The following PDE4B variants were observed in gnomAD, a reference collection of about 807,000 sequenced individuals.
PDE4B encodes 3',5'-cyclic-AMP phosphodiesterase 4B.
A neutral mutation model predicts 82.2 loss-of-function variants in PDE4B; 20 were observed. That is an observed-to-expected ratio of 0.24 (90% CI 0.17 to 0.35). The LOEUF (loss-of-function observed/expected upper bound fraction) is 0.35. Ranked by LOEUF, PDE4B falls within the 10% of genes least tolerant of loss-of-function variation. The pLI, the probability that PDE4B is intolerant of heterozygous loss-of-function variation, is 1.00. For synonymous variants in PDE4B, 320 were observed against 318.9 expected (o/e 1.00, Z -0.04); for missense variants, 655 against 907.2 (o/e 0.72, Z 3.57).
chr1:65,851,452 T>A (rs1646332281), intron 1 of PDE4B, among the ~76,000 whole-genome samples: 1 of 152,108 alleles, frequency 6.6e-6, no homozygotes, highest in Admixed American at 6.5e-5. Context: ...ACAATCTTAG[T>A]CTTATGATTA....
chr1:66,282,071 C>T (rs1012884779), intron 7 of PDE4B, among the ~76,000 whole-genome samples: 4 of 152,192 alleles, frequency 2.6e-5, no homozygotes, highest in African/African-American at 7.2e-5. Context: ...GTTGAAGGTA[C>T]GTACACCCTT....
chr1:65,828,468 A>T (rs1396317132), intron 1 of PDE4B, among the ~76,000 whole-genome samples: 1 of 150,748 alleles, frequency 6.6e-6, no homozygotes, highest in African/African-American at 2.4e-5. Context: ...CTGGTCTTGA[A>T]CTCCTGACCT....
rs1347662031 is a variant in PDE4B at position 66,210,949 on chromosome 1, C to T, written c.282-36511C>T. Reference sequence around the variant, plus strand: ...TGTGTCTAAGAAATTTCCAGAAGTCCTCAACCTGGGTGGGATAAGAGTAGT... The same window carrying T: ...TGTGTCTAAGAAATTTCCAGAAGTCTTCAACCTGGGTGGGATAAGAGTAGT... On this transcript the variant is annotated intron_variant, in intron 3 of 16. Transcript: ENST00000341517. 2.0e-5 allele frequency among the ~76,000 whole-genome samples: 3 copies of T among 152,128 alleles called. No individual in the cohort carries two copies. The East Asian group carries it at 5.8e-4, about 29-fold the overall frequency.
chr1:66,163,150 T>C (rs1646651609), intron 3 of PDE4B, among the ~76,000 whole-genome samples: 1 of 152,162 alleles, frequency 6.6e-6, no homozygotes, highest in African/African-American at 2.4e-5. Context: ...CTAATCTAAT[T>C]CTTCCCGAGA....
Position 66,082,267 on chromosome 1 carries a change from G to A in PDE4B, c.281+163432G>A, listed in dbSNP as rs72920242. Among the ~76,000 whole-genome samples, 1,326 of 152,144 alleles carry A rather than the reference G, an allele frequency of 8.7e-3. 20 individuals are homozygous for A. The highest frequency in any genetic ancestry group is 0.03 in the African/African-American group (1,242 of 41,516). On this transcript the variant is annotated intron_variant, in intron 3 of 16. Transcript: ENST00000341517. ...GTCCTCTACTGGCTGAGAACAAGGA[G>A]CCTCCTTTGTTCTCTCTGGGCTCCT...
intron 3 of PDE4B, among the ~76,000 whole-genome samples, chr1:66,168,410 C>T (rs759520943): frequency 3.9e-5 from 6 of 151,964 alleles, no homozygotes; most frequent in East Asian, 3.9e-4. Context: ...ACCTTGATAA[C>T]GAGGTGACAT....
At chr1:66,358,785 T>G (rs896506356) in intron 9 of PDE4B, among the ~76,000 whole-genome samples, 1 of 152,116 alleles carries the variant, frequency 6.6e-6, no homozygotes, top group Non-Finnish European at 1.5e-5. Context: ...GCAATTTACC[T>G]TAAACTTGAA....
chr1:65,950,794 C>A (rs1648954484), intron 3 of PDE4B, among the ~76,000 whole-genome samples: 1 of 151,864 alleles, frequency 6.6e-6, no homozygotes, highest in African/African-American at 2.4e-5. Flanking sequence ...TTGTTATCTC[C>A]AAAAGTCACA....
chr1:66,252,835 A>G (rs1653895562), intron 4 of PDE4B, among the ~76,000 whole-genome samples: 1 of 152,210 alleles, frequency 6.6e-6, no homozygotes, highest in South Asian at 2.1e-4. Context: ...GCTCCTCAGG[A>G]GGCTGAGATA....
At chr1:66,355,491 T>A (rs771492592) in intron 8 of PDE4B, 36 bp from the exon 9 acceptor site, 2 of 1,348,456 alleles carry the variant, frequency 1.5e-6, no homozygotes, top group Non-Finnish European at 2.1e-6. Flanking sequence ...TTGCTCTTTT[T>A]AAAGTGGTTA....
chr1:66,065,568 C>A (rs958260699), intron 3 of PDE4B, among the ~76,000 whole-genome samples: 15 of 151,656 alleles, frequency 9.9e-5, no homozygotes, highest in Admixed American at 9.9e-4. Flanking sequence ...AATGCGGGAA[C>A]TGTATTGTAC....
chr1:66,104,305 A>G (rs1303208915), intron 3 of PDE4B, among the ~76,000 whole-genome samples: 3 of 151,372 alleles, frequency 2.0e-5, no homozygotes, highest in Non-Finnish European at 4.4e-5. Flanking sequence ...TCCATGGTGT[A>G]TATGTGCCAC....
intron 3 of PDE4B, among the ~76,000 whole-genome samples, chr1:66,088,462 C>T (rs11208797): frequency 0.49 from 74,255 of 151,802 alleles, 18,912 homozygotes; most frequent in Admixed American, 0.57. Flanking sequence ...ATCATGAATT[C>T]ACAATGCTAT....
At chr1:65,839,597 A>T (rs112638176) in intron 1 of PDE4B, among the ~76,000 whole-genome samples, 3 of 152,192 alleles carry the variant, frequency 2.0e-5, no homozygotes, top group South Asian at 2.1e-4. Flanking sequence ...AAGGACAGGA[A>T]CTCATCCTTT....
At position 66,361,660 on chromosome 1, in the gene PDE4B, G is replaced by A. The variant is rs763416674; in HGVS notation, c.887G>A (p.Arg296Lys). Residue 296 changes from arginine to lysine, a missense_variant, in exon 10 of 17, where the codon AGG (arginine) becomes AAG (lysine). By Grantham distance (26) the Arg-to-Lys change is conservative. This residue lies in a region of PDE4B where 283 missense variants were observed against 516.4 expected (regional missense o/e 0.55). Coordinates refer to ENST00000341517, the MANE Select transcript of PDE4B (RefSeq NM_002600.4). ...ATCCCATCTCCTACCCAGAAAGACA[G>A]GGAGAAAAAGAAAAAGCAGCAGCTC... ...VEIPSPTQKD[R>K]EKKKKQQLMT... 6.2e-7 allele frequency: 1 copy of A among 1,613,534 alleles called. No individual in the cohort carries two copies. Among genetic ancestry groups the A allele is most frequent in the Admixed American group, 1.7e-5 (1 of 59,968 alleles).
intron 12 of PDE4B, among the ~76,000 whole-genome samples, chr1:66,364,039 C>T (rs961834973): frequency 6.6e-6 from 1 of 152,072 alleles, no homozygotes; most frequent in East Asian, 1.9e-4. Context: ...ATGTCTTATT[C>T]TTCATTGTAT....
rs547498803 is a variant in PDE4B at position 66,089,098 on chromosome 1, C to G, written c.282-158362C>G. ...TCTGGTTGGTAAAGAGGTAACTAGACATGGACTCAAGTCCTGGCTCTGTCA... is the reference window on the plus strand; with the variant it reads ...TCTGGTTGGTAAAGAGGTAACTAGAGATGGACTCAAGTCCTGGCTCTGTCA... On this transcript the variant is annotated intron_variant, in intron 3 of 16. Coordinates refer to ENST00000341517, the MANE Select transcript of PDE4B (RefSeq NM_002600.4). Among the ~76,000 whole-genome samples the G allele has an allele frequency of 6.5e-4, 99 of 152,054 alleles. 1 individual carries two copies. Among genetic ancestry groups the G allele is most frequent in the Non-Finnish European group, 1.2e-3 (82 of 67,998 alleles).
intron 3 of PDE4B, among the ~76,000 whole-genome samples, chr1:66,016,048 A>G (rs1314760310): frequency 6.6e-6 from 1 of 152,204 alleles, no homozygotes; most frequent in East Asian, 1.9e-4. Flanking sequence ...ATAGTTGGAT[A>G]GAACTCTTCT....
At position 65,887,414 on chromosome 1, in the gene PDE4B, G is replaced by GTTTTTTTTTTTTTTTTTTTTT. The variant is rs34263724; in HGVS notation, c.-70-25827_-70-25807dup. Among the ~76,000 whole-genome samples, 3 of 7,734 alleles carry GTTTTTTTTTTTTTTTTTTTTT rather than the reference G, an allele frequency of 3.9e-4. 1 individual carries two copies. The highest frequency in any genetic ancestry group is 2.7e-3 in the East Asian group (1 of 370). 5.1% of individuals were successfully genotyped at this position (7,734 alleles called of 152,430 possible). ...TTTTCTTTCTTTTTCTTTTTCTTCT[G>GTTTTTTTTTTTTTTTTTTTTT]TTTTTTTTTTTTTTTTTTTTTTTTA... On this transcript the variant is annotated intron_variant, in intron 1 of 16. Coordinates refer to ENST00000341517, the MANE Select transcript of PDE4B (RefSeq NM_002600.4).
Sources: allele counts gnomAD v4.1 joint callset (sites outside exome capture counted in the v4.1 genomes callset), GRCh38; gene constraint gnomAD v4.1.1; regional missense constraint gnomAD v4.1.1; transcripts MANE v1.5; gene names NCBI Gene and HGNC (gene_info 2026-07-23, HGNC 2026-07-21).